The following KLHL1 variants were observed in gnomAD, a reference collection of about 807,000 sequenced individuals.
The protein encoded by KLHL1 is kelch-like protein 1.
KLHL1 carries 47 observed loss-of-function variants against 77.7 expected under a neutral mutation model. The observed-to-expected ratio is 0.60, with a 90% CI of 0.48 to 0.77. The LOEUF is 0.77. Ranked by LOEUF, KLHL1 falls within the 30% of genes least tolerant of loss-of-function variation. KLHL1 has a pLI of 0.00. For synonymous variants in KLHL1, 360 were observed against 325.2 expected (o/e 1.11, Z -1.15); for missense variants, 925 against 910.8 (o/e 1.02, Z -0.20).
intron 7 of KLHL1, among the ~76,000 whole-genome samples, chr13:69,763,561 C>T (rs774948998): frequency 6.6e-5 from 10 of 152,184 alleles, no homozygotes; most frequent in African/African-American, 2.2e-4. Context: ...TGTGTGATCA[C>T]GAGGACACTT....
At chr13:69,736,241 A>C (rs58765329) in intron 8 of KLHL1, among the ~76,000 whole-genome samples, 2,328 of 152,338 alleles carry the variant, frequency 0.015, 57 homozygotes, top group African/African-American at 0.053. Flanking sequence ...ATGAATAGAC[A>C]ATTCTCAAAA....
At chr13:69,994,668 T>A (rs1004756734) in intron 1 of KLHL1, among the ~76,000 whole-genome samples, 1 of 152,078 alleles carries the variant, frequency 6.6e-6, no homozygotes, top group African/African-American at 2.4e-5. Context: ...AAGGTTGAAC[T>A]GGGTGAAATG....
At chr13:69,746,813 A>T (rs1368945163) in intron 7 of KLHL1, among the ~76,000 whole-genome samples, 1 of 152,026 alleles carries the variant, frequency 6.6e-6, no homozygotes, top group Non-Finnish European at 1.5e-5. Flanking sequence ...ATAGCAAGGA[A>T]AAAAGGTATT....
intron 1 of KLHL1, among the ~76,000 whole-genome samples, chr13:70,080,118 T>C (rs1196331009): frequency 1.3e-5 from 2 of 152,162 alleles, no homozygotes; most frequent in Non-Finnish European, 2.9e-5. Context: ...TGCAGCCTAG[T>C]GTAAGAATCT....
chr13:69,920,321 G>C (rs1009308926), intron 4 of KLHL1, among the ~76,000 whole-genome samples: 1 of 151,888 alleles, frequency 6.6e-6, no homozygotes, highest in Non-Finnish European at 1.5e-5. Context: ...GAAAAGTTGG[G>C]AAGAAAATAA....
At chr13:69,885,494 C>T (rs958575055) in intron 4 of KLHL1, among the ~76,000 whole-genome samples, 1 of 151,674 alleles carries the variant, frequency 6.6e-6, no homozygotes, top group African/African-American at 2.4e-5. Flanking sequence ...TCCATCAAGC[C>T]TCATTTTAAT....
intron 7 of KLHL1, among the ~76,000 whole-genome samples, chr13:69,760,839 T>G (rs1200458651): frequency 6.6e-6 from 1 of 152,158 alleles, no homozygotes; most frequent in Non-Finnish European, 1.5e-5. Context: ...AAATACAATA[T>G]AGTTTATTTT....
intron 7 of KLHL1, among the ~76,000 whole-genome samples, chr13:69,754,218 G>A (rs1399991228): frequency 6.6e-6 from 1 of 151,982 alleles, no homozygotes; most frequent in East Asian, 1.9e-4. Flanking sequence ...AAATTAATGA[G>A]ACTCAATATA....
intron 7 of KLHL1, among the ~76,000 whole-genome samples, chr13:69,783,164 A>T (rs956498414): frequency 1.3e-5 from 2 of 152,112 alleles, no homozygotes; most frequent in African/African-American, 4.8e-5. Flanking sequence ...TCCACAACAA[A>T]AACCCTTCTG....
chr13:69,996,719 C>G (rs1885160974), intron 1 of KLHL1, among the ~76,000 whole-genome samples: 1 of 151,934 alleles, frequency 6.6e-6, no homozygotes, highest in African/African-American at 2.4e-5. Context: ...ACACACTTTT[C>G]CATATGTGAT....
At chr13:70,105,294 CTGTTA>C (rs1482333483) in intron 1 of KLHL1, among the ~76,000 whole-genome samples, 2 of 151,760 alleles carry the variant, frequency 1.3e-5, no homozygotes, top group Non-Finnish European at 3.0e-5. Context: ...ACTGTTTGTT[CTGTTA>C]TTAGTTTTAA....
At chr13:70,078,245 T>C (rs1395840888) in intron 1 of KLHL1, among the ~76,000 whole-genome samples, 1 of 152,006 alleles carries the variant, frequency 6.6e-6, no homozygotes, top group South Asian at 2.1e-4. Flanking sequence ...ACCAACCACC[T>C]TCTTATTACA....
At chr13:69,807,049 T>C (rs924759829) in intron 6 of KLHL1, among the ~76,000 whole-genome samples, 16 of 152,162 alleles carry the variant, frequency 1.1e-4, no homozygotes, top group African/African-American at 3.9e-4. Context: ...GGGAGTTTAA[T>C]ACTGGGCCGA....
At chr13:69,972,667 C>T (rs1211893890) in intron 2 of KLHL1, among the ~76,000 whole-genome samples, 1 of 151,818 alleles carries the variant, frequency 6.6e-6, no homozygotes, top group Non-Finnish European at 1.5e-5. Context: ...ATTTCCAACT[C>T]AAGACTAAGT....
At chr13:70,088,190 A>G (rs1265633601) in intron 1 of KLHL1, among the ~76,000 whole-genome samples, 1 of 152,164 alleles carries the variant, frequency 6.6e-6, no homozygotes, top group African/African-American at 2.4e-5. Flanking sequence ...AGTAGGATTG[A>G]TAAATACAAA....
At chr13:69,808,278 G>A (rs917877176) in intron 6 of KLHL1, among the ~76,000 whole-genome samples, 13 of 151,958 alleles carry the variant, frequency 8.6e-5, no homozygotes, top group African/African-American at 3.1e-4. Context: ...CCTGAGGGAG[G>A]GTGCTTTTCT....
At chr13:70,008,807 T>C (rs1209752449) in intron 1 of KLHL1, among the ~76,000 whole-genome samples, 1 of 152,164 alleles carries the variant, frequency 6.6e-6, no homozygotes, top group Non-Finnish European at 1.5e-5. Flanking sequence ...TTCACCAGTA[T>C]GAATCTGCCA....
intron 6 of KLHL1, among the ~76,000 whole-genome samples, chr13:69,811,378 T>C (rs928588505): frequency 9.9e-5 from 15 of 151,008 alleles, no homozygotes; most frequent in African/African-American, 3.7e-4. Context: ...CCAATAACCA[T>C]ATGGTCAACG....
chr13:69,871,801 C>G (rs572575653), intron 5 of KLHL1, among the ~76,000 whole-genome samples: 1 of 151,816 alleles, frequency 6.6e-6, no homozygotes, highest in South Asian at 2.1e-4. Flanking sequence ...TCATTTTCAC[C>G]TGAGACTTTG....
Sources: allele counts gnomAD v4.1 joint callset (sites outside exome capture counted in the v4.1 genomes callset), GRCh38; gene constraint gnomAD v4.1.1; transcripts MANE v1.5; gene names NCBI Gene and HGNC (gene_info 2026-07-23, HGNC 2026-07-21).